Variants in SYNE2 observed in about 807,000 individuals in gnomAD.
SYNE2 encodes nesprin-2.
Under a neutral mutation model 856.3 loss-of-function variants are expected in SYNE2, and 431 were observed. The observed-to-expected ratio is 0.50, with a 90% confidence interval of 0.47 to 0.55. The LOEUF is 0.55. Among genes scored for constraint, SYNE2 ranks in the 20% least tolerant of loss-of-function variants. The pLI is 0.00. For synonymous variants in SYNE2, 2,923 were observed against 2,872.3 expected (o/e 1.02, Z -0.56); for missense variants, 8,129 against 8,023.2 (o/e 1.01, Z -0.50).
chr14:64,027,907 T>C, intron 43 of SYNE2, 114 bp downstream of exon 43: 3 of 900,594 alleles, frequency 3.3e-6, no homozygotes, highest in Non-Finnish European at 5.0e-6. Context: ...TATTTTATTT[T>C]ATTTTATTTT....
At chr14:63,853,382 G>C (rs541961221) in intron 1 of SYNE2, among the ~76,000 whole-genome samples, 2 of 151,950 alleles carry the variant, frequency 1.3e-5, no homozygotes, top group African/African-American at 4.8e-5. Flanking sequence ...GCGCTCCGGG[G>C]ATTGGAGCGA....
At chr14:63,813,111 T>G (rs1004381877) in intron 1 of SYNE2, among the ~76,000 whole-genome samples, 1 of 152,242 alleles carries the variant, frequency 6.6e-6, no homozygotes, top group South Asian at 2.1e-4. Flanking sequence ...CCTTCAGAGG[T>G]TTTTAAAAGT....
At chr14:64,183,124 C>A (rs987245183) in intron 96 of SYNE2, among the ~76,000 whole-genome samples, 3 of 149,450 alleles carry the variant, frequency 2.0e-5, no homozygotes, top group Admixed American at 6.6e-5. Flanking sequence ...TCGGACGGGG[C>A]GGCTGCCGGG....
intron 96 of SYNE2, among the ~76,000 whole-genome samples, chr14:64,178,267 A>C (rs532755254): frequency 6.6e-6 from 1 of 152,332 alleles, no homozygotes; most frequent in African/African-American, 2.4e-5. Flanking sequence ...GCTAAAAGGC[A>C]TAACAAATAA....
At chr14:63,903,668 TGA>T (rs1354823850) in intron 1 of SYNE2, among the ~76,000 whole-genome samples, 4 of 152,330 alleles carry the variant, frequency 2.6e-5, no homozygotes, top group African/African-American at 9.6e-5. Context: ...ACATGCCGGT[TGA>T]GGACAGGAAT....
intron 20 of SYNE2, 131 bp from the exon 21 acceptor site, chr14:63,990,811 A>C: frequency 1.2e-6 from 1 of 821,110 alleles, no homozygotes; most frequent in Non-Finnish European, 2.0e-6. Flanking sequence ...TATAATTTAG[A>C]TAGATTTATC....
intron 61 of SYNE2, among the ~76,000 whole-genome samples, chr14:64,094,610 G>C (rs2097661097): frequency 6.6e-6 from 1 of 152,166 alleles, no homozygotes; most frequent in Non-Finnish European, 1.5e-5. Flanking sequence ...CCTGGGGCAA[G>C]TGATTTGACA....
intron 1 of SYNE2, among the ~76,000 whole-genome samples, chr14:63,871,763 G>A (rs914078555): frequency 3.3e-5 from 5 of 151,908 alleles, no homozygotes; most frequent in African/African-American, 7.3e-5. Flanking sequence ...CAAAGTGTTA[G>A]GATTACAGGT....
chr14:63,965,682 G>T (rs1372056804), intron 10 of SYNE2, among the ~76,000 whole-genome samples: 1 of 152,238 alleles, frequency 6.6e-6, no homozygotes, highest in Non-Finnish European at 1.5e-5. Flanking sequence ...TTAAGTCAAA[G>T]AGTTGGATAA....
intron 70 of SYNE2, among the ~76,000 whole-genome samples, 184 bp from the exon 71 acceptor site, chr14:64,124,895 C>T (rs527254018): frequency 3.9e-4 from 60 of 152,070 alleles, no homozygotes; most frequent in African/African-American, 1.4e-3. Context: ...CCCAGCTACT[C>T]GGGAGGCTGA....
chr14:63,971,360 C>T (rs2153458711), intron 11 of SYNE2, among the ~76,000 whole-genome samples: 1 of 152,184 alleles, frequency 6.6e-6, no homozygotes, highest in East Asian at 1.9e-4. Context: ...AAGGTATCCA[C>T]TCGCCTTGGC....
chr14:64,200,238 T>TG (rs1158513584), intron 99 of SYNE2, among the ~76,000 whole-genome samples: 2 of 151,978 alleles, frequency 1.3e-5, no homozygotes, highest in Non-Finnish European at 2.9e-5. Context: ...ATTCTTAGGG[T>TG]GGAATAGGGT....
intron 45 of SYNE2, among the ~76,000 whole-genome samples, chr14:64,045,427 G>A (rs1364396362): frequency 1.3e-5 from 2 of 151,012 alleles, no homozygotes; most frequent in East Asian, 3.9e-4. Context: ...AGGTTCTCTT[G>A]GGCTGGGGGT....
chr14:63,920,043 C>T (rs185100256), intron 2 of SYNE2, among the ~76,000 whole-genome samples: 9 of 132,876 alleles, frequency 6.8e-5, no homozygotes, highest in Admixed American at 2.4e-4. Flanking sequence ...AGGTATAGGT[C>T]GGTTTACTCT....
intron 45 of SYNE2, among the ~76,000 whole-genome samples, chr14:64,040,159 A>T (rs1412279443): frequency 5.3e-5 from 8 of 152,150 alleles, no homozygotes; most frequent in Non-Finnish European, 1.2e-4. Flanking sequence ...CAAGTAGGTT[A>T]AAAAAAGTAA....
rs1188055861 is a variant in SYNE2, at chr14:63,942,042, G to C, written c.316-9G>C. 2 of 1,605,078 alleles carry C rather than the reference G, an allele frequency of 1.2e-6. No homozygotes were observed. The highest frequency in any genetic ancestry group is 2.7e-5 in the African/African-American group (2 of 74,712). ...TTCCTCCTTTTAACCTGCACTTTTT[G>C]TTTTCCAGATTAAGCTAATAAATAT... On this transcript the variant is annotated splice_polypyrimidine_tract_variant and intron_variant, in intron 5 of 115. Coordinates refer to ENST00000555002, the MANE Select transcript of SYNE2 (RefSeq NM_182914.3).
chr14:63,990,810 G>C, intron 20 of SYNE2, 132 bp from the exon 21 acceptor site: 1 of 818,874 alleles, frequency 1.2e-6, no homozygotes, highest in Non-Finnish European at 2.0e-6. Flanking sequence ...TTATAATTTA[G>C]ATAGATTTAT....
intron 32 of SYNE2, among the ~76,000 whole-genome samples, chr14:64,010,928 C>G (rs1364005447): frequency 6.6e-6 from 1 of 152,194 alleles, no homozygotes; most frequent in Non-Finnish European, 1.5e-5. Context: ...CATGAGTCAC[C>G]ACGCCTGGCC....
Position 63,978,005 on chromosome 14 carries a change from A to G in SYNE2, c.1394A>G (p.Glu465Gly). 4 of 1,607,988 alleles carry G rather than the reference A, an allele frequency of 2.5e-6. No individual in the cohort carries two copies. Among genetic ancestry groups the G allele is most frequent in the Non-Finnish European group, 3.4e-6 (4 of 1,174,388 alleles). ...LPLVPPNKLE[E>G]MKRRINNILE... The stretch of plus-strand genomic sequence containing the variant: ...TTGGTACCACCTAACAAATTGGAGG[A>G]AATGAAAAGACGGTGTGTAACACTA... Residue 465 changes from glutamate (E) to glycine (G), a missense_variant, in exon 13 of 116, where the codon GAA becomes GGA. Glu to Gly is a moderately conservative substitution (Grantham distance 98, BLOSUM62 -2). Around this residue, in one of 3 missense-constraint regions of SYNE2, gnomAD observed 2,422 missense variants for 2,357.4 expected, o/e 1.03. Coordinates refer to ENST00000555002, the MANE Select transcript of SYNE2 (RefSeq NM_182914.3).
Sources: allele counts gnomAD v4.1 joint callset (sites outside exome capture counted in the v4.1 genomes callset), GRCh38; gene constraint gnomAD v4.1.1; regional missense constraint gnomAD v4.1.1; transcripts MANE v1.5; gene names NCBI Gene and HGNC (gene_info 2026-07-23, HGNC 2026-07-21).